MSI2: variants seen among roughly 807,000 people sequenced by gnomAD.
MSI2 encodes the protein RNA-binding protein Musashi homolog 2.
Under a neutral mutation model 45.6 loss-of-function variants are expected in MSI2, and 17 were observed. That is an observed-to-expected ratio of 0.37 (90% confidence interval 0.26 to 0.56). The LOEUF (loss-of-function observed/expected upper bound fraction) is 0.56, where lower values mean the gene tolerates loss of function less well. Among genes scored for constraint, MSI2 ranks in the 20% least tolerant of loss-of-function variants. The probability of loss-of-function intolerance (pLI) is 0.77; values close to 1 mark genes in which losing one functional copy is unlikely to be tolerated. For synonymous variants in MSI2, 156 were observed against 158.2 expected (o/e 0.99, Z 0.11); for missense variants, 293 against 444.2 (o/e 0.66, Z 3.06).
At chr17:57,354,730 G>A (rs1190696027) in intron 5 of MSI2, among the ~76,000 whole-genome samples, 2 of 152,214 alleles carry the variant, frequency 1.3e-5, no homozygotes, top group Non-Finnish European at 2.9e-5. Context: ...AGAGAGGCAG[G>A]GGCCAGATAC....
chr17:57,627,453 C>A lies in MSI2; in HGVS notation c.727+150C>A. On this transcript the variant is annotated intron_variant, in intron 10 of 13. Transcript: ENST00000284073. This position sits in a 1 kb window ranked among gnomAD's most constrained non-coding sequence, Gnocchi z 4.6. The stretch of plus-strand genomic sequence containing the variant: ...GATAAATTTCAAATCCACTGAAGTT[C>A]AAGGCCAGGATGCAGCTCAGAGTTT... 1 of 722,248 alleles carries A rather than the reference C, an allele frequency of 1.4e-6. No individual in the cohort carries two copies. Among genetic ancestry groups the A allele is most frequent in the South Asian group, 1.7e-5 (1 of 58,180 alleles). 44.7% of individuals were successfully genotyped at this position (722,248 alleles called of 1,614,324 possible).
intron 6 of MSI2, among the ~76,000 whole-genome samples, chr17:57,450,868 A>G (rs2085006439): frequency 6.6e-6 from 1 of 151,780 alleles, no homozygotes; most frequent in Non-Finnish European, 1.5e-5. Context: ...CAGGCTGTCC[A>G]CCCTCCTCCC....
intron 6 of MSI2, among the ~76,000 whole-genome samples, chr17:57,514,893 A>G (rs1380540748): frequency 2.0e-5 from 3 of 152,126 alleles, no homozygotes; most frequent in Non-Finnish European, 2.9e-5. Context: ...CAAAAAATCT[A>G]TCAGGCACCA....
intron 6 of MSI2, among the ~76,000 whole-genome samples, chr17:57,521,553 G>C (rs1259362554): frequency 6.6e-6 from 1 of 152,174 alleles, no homozygotes; most frequent in Non-Finnish European, 1.5e-5. Context: ...TAAGAAAGTA[G>C]GATGAGGCAA....
chr17:57,361,378 A>G (rs2143901966), intron 5 of MSI2, among the ~76,000 whole-genome samples: 1 of 152,214 alleles, frequency 6.6e-6, no homozygotes, highest in South Asian at 2.1e-4. Context: ...AGGCGGGCAG[A>G]TGGACTGAGC....
At chr17:57,437,555 A>T (rs1278540246) in intron 6 of MSI2, among the ~76,000 whole-genome samples, 1 of 152,208 alleles carries the variant, frequency 6.6e-6, no homozygotes, top group African/African-American at 2.4e-5. Context: ...GCGGGTTGCC[A>T]GGTAGAATTC....
At chr17:57,516,122 C>G (rs1471078677) in intron 6 of MSI2, among the ~76,000 whole-genome samples, 2 of 152,164 alleles carry the variant, frequency 1.3e-5, no homozygotes, top group East Asian at 1.9e-4. Flanking sequence ...ATTTGAGTAA[C>G]TATCACTACA....
At chr17:57,486,590 G>A (rs575032919) in intron 6 of MSI2, among the ~76,000 whole-genome samples, 11 of 152,266 alleles carry the variant, frequency 7.2e-5, no homozygotes, top group African/African-American at 2.6e-4. Context: ...CATCTTCCTT[G>A]TATGTGTTTG....
At chr17:57,487,921 C>G (rs2085787166) in intron 6 of MSI2, among the ~76,000 whole-genome samples, 1 of 151,940 alleles carries the variant, frequency 6.6e-6, no homozygotes, top group South Asian at 2.1e-4. Context: ...TCTGTGCACA[C>G]AGCCCGGTGC....
intron 11 of MSI2, among the ~76,000 whole-genome samples, chr17:57,670,872 C>A (rs1912723536): frequency 6.6e-6 from 1 of 152,184 alleles, no homozygotes; most frequent in Non-Finnish European, 1.5e-5. Context: ...AGCTCTGTCT[C>A]TTTTTCATTC....
chr17:57,573,118 C>T (rs2041851), intron 7 of MSI2, among the ~76,000 whole-genome samples: 13,658 of 152,144 alleles, frequency 0.09, 717 homozygotes, highest in East Asian at 0.19. Flanking sequence ...GTGGGCGGTA[C>T]GGTGTTCATG....
At chr17:57,284,187 G>T (rs1295874091) in intron 5 of MSI2, among the ~76,000 whole-genome samples, 14 of 152,040 alleles carry the variant, frequency 9.2e-5, no homozygotes, top group Non-Finnish European at 1.9e-4. Context: ...CTTCTTTAAT[G>T]AAAGAGTTGG....
chr17:57,685,019 G>A (rs1441632330), downstream of MSI2, among the ~76,000 whole-genome samples: 1 of 152,144 alleles, frequency 6.6e-6, no homozygotes, highest in East Asian at 1.9e-4. Flanking sequence ...ATGGTGGAAG[G>A]AGCTAAGGGG....
intron 6 of MSI2, among the ~76,000 whole-genome samples, chr17:57,508,779 A>G (rs538652125): frequency 1.1e-3 from 168 of 152,300 alleles, no homozygotes; most frequent in African/African-American, 3.9e-3. Flanking sequence ...GATGTAGGGC[A>G]CCTGCTGATG....
chr17:57,348,674 T>C (rs1400984169), intron 5 of MSI2, among the ~76,000 whole-genome samples: 1 of 152,158 alleles, frequency 6.6e-6, no homozygotes, highest in Non-Finnish European at 1.5e-5. Context: ...GCCGTGCAGA[T>C]GTGGGCAACA....
intron 5 of MSI2, among the ~76,000 whole-genome samples, chr17:57,347,665 C>A (rs544946619): frequency 6.6e-5 from 10 of 152,264 alleles, no homozygotes; most frequent in Admixed American, 2.0e-4. Flanking sequence ...TTTCTACCCC[C>A]CTGAAAGCAA....
chr17:57,546,276 A>G (rs545401988), intron 7 of MSI2, among the ~76,000 whole-genome samples: 2 of 152,346 alleles, frequency 1.3e-5, no homozygotes, highest in East Asian at 3.9e-4. Context: ...CAGACATTCA[A>G]TCAAAATGCT....
chr17:57,563,093 G>A (rs955249979), intron 7 of MSI2, among the ~76,000 whole-genome samples: 5 of 84,690 alleles, frequency 5.9e-5, no homozygotes, highest in African/African-American at 1.8e-4. Flanking sequence ...GCAAAACTTC[G>A]TCTCCAAAAA....
At chr17:57,481,752 C>G (rs574728400) in intron 6 of MSI2, among the ~76,000 whole-genome samples, 2 of 152,298 alleles carry the variant, frequency 1.3e-5, no homozygotes, top group African/African-American at 4.8e-5. Context: ...AAGACTCGGC[C>G]TCAAAGGAAC....
Sources: allele counts gnomAD v4.1 joint callset (sites outside exome capture counted in the v4.1 genomes callset), GRCh38; gene constraint gnomAD v4.1.1; non-coding constraint Gnocchi (gnomAD v3.1); transcripts MANE v1.5; gene names NCBI Gene and HGNC (gene_info 2026-07-23, HGNC 2026-07-21).